ATP8A2: variants seen among roughly 807,000 people sequenced by gnomAD.
ATP8A2 encodes ATPase phospholipid transporting 8A2, also known as phospholipid-transporting ATPase IB.
In ATP8A2, 100 loss-of-function variants were observed where a neutral mutation model predicts 165.6. That is an observed-to-expected ratio of 0.60 (90% CI 0.51 to 0.71). The LOEUF (loss-of-function observed/expected upper bound fraction) is 0.71. Among genes scored for constraint, ATP8A2 ranks in the 30% least tolerant of loss-of-function variants. The probability of loss-of-function intolerance (pLI) is 0.00; values close to 1 mark genes in which losing one functional copy is unlikely to be tolerated. For missense variants in ATP8A2, 1,227 were observed against 1,479.5 expected, an observed-to-expected ratio of 0.83 and a Z score of 2.80; for synonymous variants, 543 against 548.8, an observed-to-expected ratio of 0.99 and a Z score of 0.15.
At chr13:25,837,395 C>A in intron 29 of ATP8A2, 110 bp downstream of exon 29, 1 of 1,208,664 alleles carries the variant, frequency 8.3e-7, no homozygotes, top group Non-Finnish European at 1.2e-6. Context: ...TTGAGAAGTG[C>A]TGAAAACATG....
At position 25,802,951 on chromosome 13, in the gene ATP8A2, AG is replaced by A. The variant is rs988536015; in HGVS notation, c.2680-25165del. ...ATTTGTATGCTTTGGAAAGACTCAA[AG>A]GTGAGTTTTTTTTTTTTTAAGCTAA... On this transcript the variant is annotated intron_variant, in intron 27 of 36. Transcript: ENST00000381655. 2.1e-5 allele frequency among the ~76,000 whole-genome samples: 3 copies of A among 143,904 alleles called. No individual in the cohort carries two copies. The Admixed American group carries it at 2.1e-4, about 10-fold the overall frequency. 94.4% of individuals were successfully genotyped at this position (143,904 alleles called of 152,430 possible).
chr13:25,961,891 G>A (rs1186438198), intron 34 of ATP8A2, among the ~76,000 whole-genome samples: 6 of 152,174 alleles, frequency 3.9e-5, no homozygotes, highest in Admixed American at 3.9e-4. Flanking sequence ...GGGCATGGCA[G>A]CGCATAGCTC....
rs538882006 is a variant in ATP8A2, at chr13:25,570,751, C to T, written c.1474-16C>T. On this transcript the variant is annotated splice_polypyrimidine_tract_variant and intron_variant, in intron 16 of 36. Transcript: ENST00000381655. ...AAGGTGTTGTATCTGACACTAATCC[C>T]GCCTCACGTTTGCAGCCCACAGCCC... 82 of 1,604,950 alleles carry T rather than the reference C, an allele frequency of 5.1e-5. No individual in the cohort carries two copies. In the South Asian group the frequency reaches 8.3e-4, roughly 16 times the overall value.
intron 24 of ATP8A2, among the ~76,000 whole-genome samples, chr13:25,634,892 G>A (rs988647473): frequency 2.6e-5 from 4 of 152,150 alleles, no homozygotes; most frequent in African/African-American, 9.7e-5. Flanking sequence ...ATAGTGTTTA[G>A]CAATTGTTTA....
In ATP8A2 at chr13:25,996,577, T is replaced by G. The variant is rs113292691; in HGVS notation, c.3378-15954T>G. ...TCTTACTCTGTTGCCCAGGCTAGAG[T>G]GTGGCGGTGTGATCTCAGCTCACTG... On this transcript the variant is annotated intron_variant, in intron 35 of 36. Transcript: ENST00000381655. Among the ~76,000 whole-genome samples the G allele has an allele frequency of 1.7e-3, 254 of 152,330 alleles. 1 individual carries two copies. Among genetic ancestry groups the G allele is most frequent in the African/African-American group, 5.6e-3 (233 of 41,572 alleles).
At chr13:25,664,227 T>C (rs1313544931) in intron 24 of ATP8A2, among the ~76,000 whole-genome samples, 2 of 152,216 alleles carry the variant, frequency 1.3e-5, no homozygotes, top group East Asian at 3.8e-4. Flanking sequence ...TAATTTACTT[T>C]CTTGTAAGTA....
In ATP8A2 at chr13:25,986,456, A is replaced by G. The variant is rs976519569; in HGVS notation, c.3377+17777A>G. 4.6e-5 allele frequency among the ~76,000 whole-genome samples: 7 copies of G among 152,204 alleles called. No homozygotes were observed. In the South Asian group the frequency reaches 6.2e-4, roughly 14 times the overall value. On this transcript the variant is annotated intron_variant, in intron 35 of 36. Transcript: ENST00000381655. ...ATTTCACATACAAGTCAGATCATGC[A>G]GTGTTTGTCTTTCTGTGCCTGGCTT...
chr13:25,460,445 T>C (rs1018193794), intron 1 of ATP8A2, among the ~76,000 whole-genome samples: 8 of 152,202 alleles, frequency 5.3e-5, no homozygotes, highest in Admixed American at 2.0e-4. Flanking sequence ...TGGACTTGTA[T>C]TTTTAAAACT....
At chr13:25,743,982 A>G in intron 25 of ATP8A2, among the ~76,000 whole-genome samples, 1 of 152,340 alleles carries the variant, frequency 6.6e-6, no homozygotes, top group Non-Finnish European at 1.5e-5. Flanking sequence ...GACTACATCT[A>G]CTACTTATGA....
intron 33 of ATP8A2, among the ~76,000 whole-genome samples, chr13:25,934,499 G>A (rs1263724968): frequency 2.0e-5 from 3 of 152,234 alleles, no homozygotes; most frequent in Admixed American, 6.5e-5. Flanking sequence ...TCAGCAGTGT[G>A]ACCTTAGGAA....
intron 35 of ATP8A2, among the ~76,000 whole-genome samples, chr13:25,994,594 A>ATGGG (rs1712239915): frequency 6.6e-6 from 1 of 152,098 alleles, no homozygotes; most frequent in Admixed American, 6.5e-5. Flanking sequence ...TAACTCATGA[A>ATGGG]TGGGTGTTGA....
chr13:25,404,982 T>C (rs1202071727), intron 1 of ATP8A2, among the ~76,000 whole-genome samples: 1 of 151,894 alleles, frequency 6.6e-6, no homozygotes, highest in Non-Finnish European at 1.5e-5. Flanking sequence ...CACTGAGAAG[T>C]GGCCAGAGCG....
intron 24 of ATP8A2, among the ~76,000 whole-genome samples, chr13:25,681,486 GT>G (rs1555246985): frequency 6.6e-6 from 1 of 152,194 alleles, no homozygotes; most frequent in Non-Finnish European, 1.5e-5. Context: ...GTACTCTCCA[GT>G]CCTGACGCTG....
chr13:25,478,364 G>A (rs531979957), intron 2 of ATP8A2, among the ~76,000 whole-genome samples: 1 of 152,136 alleles, frequency 6.6e-6, no homozygotes, highest in African/African-American at 2.4e-5. Context: ...ACTTATAGCT[G>A]AGTCACTCAA....
intron 25 of ATP8A2, among the ~76,000 whole-genome samples, chr13:25,763,622 A>G (rs1351851663): frequency 2.0e-5 from 3 of 152,232 alleles, no homozygotes; most frequent in East Asian, 1.9e-4. Context: ...TATATCTGCC[A>G]CTGTGCTCCA....
intron 1 of ATP8A2, among the ~76,000 whole-genome samples, chr13:25,431,696 G>A (rs558691790): frequency 1.3e-5 from 2 of 152,220 alleles, no homozygotes; most frequent in South Asian, 2.1e-4. Flanking sequence ...ATTTTTTAAA[G>A]CTTACCTCTT....
In ATP8A2 at chr13:25,541,969, A is replaced by C; in HGVS notation, c.702A>C (p.Leu234Phe). 2 of 1,614,098 alleles carry C rather than the reference A, an allele frequency of 1.2e-6. No individual in the cohort carries two copies. The change falls in exon 9 of 37, where the codon TTA (leucine) becomes TTC (phenylalanine). Residue 234 changes from leucine to phenylalanine, a missense_variant. Leu to Phe is a conservative substitution (Grantham distance 22). Coordinates refer to ENST00000381655, the MANE Select transcript of ATP8A2 (RefSeq NM_016529.6). ...AAACACGTGAAGTTCTGATGAAGTTATCTGGAACTATAGAGTGTGAAGGGC... is the reference window on the plus strand; with the variant it reads ...AAACACGTGAAGTTCTGATGAAGTTCTCTGGAACTATAGAGTGTGAAGGGC... Reference protein sequence around the residue: ...DMQTREVLMKLSGTIECEGPN... With the variant: ...DMQTREVLMKFSGTIECEGPN...
At chr13:25,692,384 T>C (rs913145406) in intron 24 of ATP8A2, among the ~76,000 whole-genome samples, 4 of 152,138 alleles carry the variant, frequency 2.6e-5, no homozygotes, top group Non-Finnish European at 5.9e-5. Flanking sequence ...TGCTGCTCCA[T>C]GGCATCTAGG....
intron 25 of ATP8A2, among the ~76,000 whole-genome samples, chr13:25,737,976 A>G (rs113241549): frequency 1.2e-3 from 176 of 152,182 alleles, no homozygotes; most frequent in African/African-American, 3.2e-3. Context: ...GAGCCATCAC[A>G]CCCAGCCAAA....
Sources: allele counts gnomAD v4.1 joint callset (sites outside exome capture counted in the v4.1 genomes callset), GRCh38; gene constraint gnomAD v4.1.1; transcripts MANE v1.5; gene names NCBI Gene and HGNC (gene_info 2026-07-23, HGNC 2026-07-21).